The following TBC1D5 variants were observed in gnomAD, a reference collection of about 807,000 sequenced individuals.
The protein encoded by TBC1D5 is TBC1 domain family, member 5.
In TBC1D5, 75 loss-of-function variants were observed where a neutral mutation model predicts 100.3. The ratio of observed to expected loss-of-function variants is 0.75; its 90% CI spans 0.62 to 0.91. TBC1D5 has a LOEUF of 0.91. Among genes scored for constraint, TBC1D5 ranks in the 40% least tolerant of loss-of-function variants. TBC1D5 has a pLI of 0.00. For synonymous variants in TBC1D5, 323 were observed against 325.6 expected (o/e 0.99, Z 0.09); for missense variants, 910 against 942.4 (o/e 0.97, Z 0.45).
intron 1 of TBC1D5, among the ~76,000 whole-genome samples, chr3:17,692,846 T>C (rs532569816): frequency 6.4e-4 from 97 of 152,272 alleles, no homozygotes; most frequent in African/African-American, 2.2e-3. Flanking sequence ...TAAACGAATA[T>C]AGGCCAGGCA....
chr3:17,563,821 T>A (rs190280299), intron 2 of TBC1D5, among the ~76,000 whole-genome samples: 1 of 152,202 alleles, frequency 6.6e-6, no homozygotes, highest in Admixed American at 6.5e-5. Context: ...CTCCCTCTGT[T>A]GCCCAGGCTG....
In TBC1D5 at chr3:17,732,981, T is replaced by C. The variant is rs575094625; in HGVS notation, c.-101+6362A>G. On this transcript the variant is annotated intron_variant, in intron 1 of 21. Coordinates refer to ENST00000253692, the Ensembl canonical transcript of TBC1D5. ...GGAAACTGATCAGGACCACTTCCCA[T>C]ACTGGTAGAAAGCATATAGTACTCC... is the stretch of plus-strand genomic sequence containing the variant. 1.7e-4 allele frequency among the ~76,000 whole-genome samples: 26 copies of C among 152,224 alleles called. No individual in the cohort carries two copies. In the East Asian group the frequency reaches 4.8e-3, roughly 28 times the overall value.
intron 3 of TBC1D5, among the ~76,000 whole-genome samples, chr3:17,491,479 T>C (rs1004198205): frequency 6.6e-5 from 10 of 152,304 alleles, no homozygotes; most frequent in Middle Eastern, 3.4e-3. Flanking sequence ...TTTTGAAGTA[T>C]GTTCCTTCAA....
intron 1 of TBC1D5, among the ~76,000 whole-genome samples, chr3:17,722,050 T>A (rs2075753477): frequency 6.6e-6 from 1 of 152,302 alleles, no homozygotes; most frequent in African/African-American, 2.4e-5. Context: ...GTGAGCAACA[T>A]ACACAACCAA....
chr3:17,536,800 G>C (rs2096286164), intron 2 of TBC1D5, among the ~76,000 whole-genome samples: 1 of 152,184 alleles, frequency 6.6e-6, no homozygotes, highest in South Asian at 2.1e-4. Flanking sequence ...AATGGTTTTA[G>C]GGATTCTTTA....
chr3:17,558,654 G>A (rs1576695140), intron 2 of TBC1D5, among the ~76,000 whole-genome samples: 1 of 152,248 alleles, frequency 6.6e-6, no homozygotes, highest in East Asian at 1.9e-4. Flanking sequence ...TCTCAGCTAG[G>A]TATTGGCAAC....
At chr3:17,504,617 C>T (rs1031633885) in intron 3 of TBC1D5, among the ~76,000 whole-genome samples, 1 of 152,098 alleles carries the variant, frequency 6.6e-6, no homozygotes, top group Non-Finnish European at 1.5e-5. Context: ...TCACAGTCAA[C>T]AATCTGGATT....
At chr3:17,582,171 G>A (rs1434703919) in intron 2 of TBC1D5, among the ~76,000 whole-genome samples, 1 of 152,130 alleles carries the variant, frequency 6.6e-6, no homozygotes, top group African/African-American at 2.4e-5. Context: ...TGGAATGTAA[G>A]CTTAATCAAG....
intron 1 of TBC1D5, among the ~76,000 whole-genome samples, chr3:17,686,830 G>C (rs1009546472): frequency 2.0e-5 from 3 of 152,274 alleles, no homozygotes; most frequent in African/African-American, 4.8e-5. Context: ...GACATCTAGT[G>C]GGTAGAGGTC....
At chr3:17,670,531 T>C (rs57043633) in intron 1 of TBC1D5, among the ~76,000 whole-genome samples, 1 of 152,152 alleles carries the variant, frequency 6.6e-6, no homozygotes, top group Admixed American at 6.5e-5. Flanking sequence ...ATAGTAGTTA[T>C]AAAATCTCAG....
At chr3:17,346,148 A>G (rs2089838429) in intron 13 of TBC1D5, among the ~76,000 whole-genome samples, 1 of 152,194 alleles carries the variant, frequency 6.6e-6, no homozygotes, top group South Asian at 2.1e-4. Context: ...ATCATTAATT[A>G]TATGGTTTTA....
intron 1 of TBC1D5, among the ~76,000 whole-genome samples, chr3:17,728,464 T>C (rs2076296448): frequency 6.6e-6 from 1 of 151,288 alleles, no homozygotes; most frequent in African/African-American, 2.4e-5. Flanking sequence ...ATGAGGGAAG[T>C]CTGGTCCTAT....
At chr3:17,197,045 A>G (rs913295547) in intron 18 of TBC1D5, among the ~76,000 whole-genome samples, 1 of 152,152 alleles carries the variant, frequency 6.6e-6, no homozygotes, top group Non-Finnish European at 1.5e-5. Context: ...TGCAACACAG[A>G]TATCTGCCAG....
At chr3:17,177,466 A>G (rs2067901846) in intron 19 of TBC1D5, among the ~76,000 whole-genome samples, 1 of 152,226 alleles carries the variant, frequency 6.6e-6, no homozygotes, top group Non-Finnish European at 1.5e-5. Flanking sequence ...ATGCTAGGGG[A>G]GGCAGTGGGC....
chr3:17,676,191 A>C (rs1162758006), intron 1 of TBC1D5, among the ~76,000 whole-genome samples: 1 of 152,212 alleles, frequency 6.6e-6, no homozygotes, highest in Non-Finnish European at 1.5e-5. Context: ...TAGGATTAAA[A>C]TAAGAAATAA....
chr3:17,581,401 A>G (rs2096695604), intron 2 of TBC1D5, among the ~76,000 whole-genome samples: 1 of 152,162 alleles, frequency 6.6e-6, no homozygotes. Context: ...ATTCTGGACC[A>G]ATGTGTCTAA....
chr3:17,710,020 G>A (rs1242265820), intron 1 of TBC1D5, among the ~76,000 whole-genome samples: 2 of 152,124 alleles, frequency 1.3e-5, no homozygotes, highest in African/African-American at 4.8e-5. Flanking sequence ...TAGAAGCCTT[G>A]TGCTCAATCT....
chr3:17,382,300 C>T (rs1331929127), intron 9 of TBC1D5, among the ~76,000 whole-genome samples: 4 of 151,902 alleles, frequency 2.6e-5, no homozygotes, highest in African/African-American at 4.8e-5. Flanking sequence ...AGGTGAGATT[C>T]GAACAAAGGA....
At chr3:17,166,010 C>A (rs937815417) in intron 21 of TBC1D5, among the ~76,000 whole-genome samples, 1 of 152,134 alleles carries the variant, frequency 6.6e-6, no homozygotes, top group African/African-American at 2.4e-5. Context: ...GTAGGAAGAT[C>A]CTTTCTAGCT....
Sources: gnomAD v4.1 joint callset for allele counts (sites outside exome capture counted in the v4.1 genomes callset) on GRCh38, gnomAD v4.1.1 for gene constraint, MANE v1.5 for transcripts, NCBI Gene and HGNC (gene_info 2026-07-23, HGNC 2026-07-21) for gene names.